The following MARCHF1 variants were observed in gnomAD, a reference collection of about 807,000 sequenced individuals.
MARCHF1 encodes E3 ubiquitin-protein ligase MARCHF1.
MARCHF1 carries 40 observed loss-of-function variants against 54.2 expected under a neutral mutation model. The observed-to-expected ratio is 0.74, with a 90% CI of 0.57 to 0.96. MARCHF1 has a LOEUF of 0.96. Among genes scored for constraint, MARCHF1 ranks in the 40% least tolerant of loss-of-function variants. The pLI is 0.00. For synonymous variants in MARCHF1, 236 were observed against 236.3 expected (o/e 1.00, Z 0.01); for missense variants, 586 against 656.5 (o/e 0.89, Z 1.17).
chr4:164,110,714 CA>C (rs35186144), intron 2 of MARCHF1, among the ~76,000 whole-genome samples: 102,669 of 145,950 alleles, frequency 0.7, 37,209 homozygotes, highest in Non-Finnish European at 0.82. Flanking sequence ...AATGAAAAGC[CA>C]AAAAAAAAAA....
In MARCHF1 at chr4:163,572,689, G is replaced by T. The variant is rs1247717643; in HGVS notation, c.1191+13060C>A. Among the ~76,000 whole-genome samples, 4 of 152,208 alleles carry T rather than the reference G, an allele frequency of 2.6e-5. No individual in the cohort carries two copies. The East Asian group carries it at 7.7e-4, about 29-fold the overall frequency. On this transcript the variant is annotated intron_variant, in intron 8 of 9. Transcript: ENST00000514618. Reference sequence around the variant, plus strand: ...TTCCTTATAGTAGAAGCACTGTTGTGTTATAGGTAAACCTGTTTTTACTTT... The same window carrying T: ...TTCCTTATAGTAGAAGCACTGTTGTTTTATAGGTAAACCTGTTTTTACTTT...
At chr4:164,088,540 C>A (rs1013382753) in intron 2 of MARCHF1, among the ~76,000 whole-genome samples, 30 of 152,194 alleles carry the variant, frequency 2.0e-4, no homozygotes, top group African/African-American at 7.2e-4. Flanking sequence ...GAGTCTGAGA[C>A]CAGCCTGGGC....
intron 5 of MARCHF1, among the ~76,000 whole-genome samples, chr4:163,661,571 G>A (rs867924851): frequency 2.0e-5 from 3 of 151,766 alleles, no homozygotes; most frequent in African/African-American, 4.8e-5. Context: ...ATCAGAGAAC[G>A]GGATGCAAAA....
At chr4:163,765,532 T>C (rs1204926092) in intron 4 of MARCHF1, among the ~76,000 whole-genome samples, 1 of 152,112 alleles carries the variant, frequency 6.6e-6, no homozygotes, top group African/African-American at 2.4e-5. Flanking sequence ...TGAAAACTAA[T>C]GATACAAAAT....
At chr4:163,620,706 A>AAAT (rs1174093867) in intron 5 of MARCHF1, among the ~76,000 whole-genome samples, 1 of 152,038 alleles carries the variant, frequency 6.6e-6, no homozygotes, top group Non-Finnish European at 1.5e-5. Flanking sequence ...TAAAGTTTCA[A>AAAT]AATTGTATAC....
intron 5 of MARCHF1, among the ~76,000 whole-genome samples, chr4:163,680,990 T>A (rs1744084746): frequency 6.7e-6 from 1 of 150,072 alleles, no homozygotes. Context: ...ATATATGTAA[T>A]ACATTATGTA....
At chr4:164,109,912 T>TAAAAAAAAAAAA (rs57433858) in intron 2 of MARCHF1, among the ~76,000 whole-genome samples, 292 of 63,050 alleles carry the variant, frequency 4.6e-3, no homozygotes, top group Non-Finnish European at 5.3e-3. Flanking sequence ...AAAATAAAAG[T>TAAAAAAAAAAAA]AAAAAAAAAA....
At position 163,632,575 on chromosome 4, in the gene MARCHF1, G is replaced by A. The variant is rs528652911; in HGVS notation, c.163-19182C>T. 9.7e-4 allele frequency among the ~76,000 whole-genome samples: 147 copies of A among 152,278 alleles called. 1 individual carries two copies. Among genetic ancestry groups the A allele is most frequent in the Non-Finnish European group, 1.2e-3 (85 of 68,028 alleles). On this transcript the variant is annotated intron_variant, in intron 5 of 9. Transcript: ENST00000514618. The stretch of plus-strand genomic sequence containing the variant: ...ACGGCGCACCACAAGATTATATCCC[G>A]CACCTGGCTTGGAGGGTCCTATGCC...
At chr4:164,372,056 C>G (rs1226496232) in intron 1 of MARCHF1, among the ~76,000 whole-genome samples, 1 of 152,094 alleles carries the variant, frequency 6.6e-6, no homozygotes, top group Non-Finnish European at 1.5e-5. Context: ...GCCTGGGTGA[C>G]AGAGGGAGGC....
At chr4:164,133,058 C>T (rs1159123743) in intron 1 of MARCHF1, among the ~76,000 whole-genome samples, 1 of 152,058 alleles carries the variant, frequency 6.6e-6, no homozygotes, top group Non-Finnish European at 1.5e-5. Context: ...ACTATAGTTG[C>T]CCCACAACTG....
chr4:164,359,443 G>A (rs1002866904), intron 1 of MARCHF1, among the ~76,000 whole-genome samples: 1 of 152,126 alleles, frequency 6.6e-6, no homozygotes, highest in African/African-American at 2.4e-5. Flanking sequence ...TTCCTCTGTT[G>A]AGAAGAGAGA....
At chr4:164,138,606 C>T (rs1449779257) in intron 1 of MARCHF1, among the ~76,000 whole-genome samples, 9 of 152,078 alleles carry the variant, frequency 5.9e-5, no homozygotes, top group East Asian at 3.9e-4. Context: ...TCAGTTGAAG[C>T]GGTATGGGCA....
At chr4:163,885,783 TG>T (rs531297494) in intron 3 of MARCHF1, among the ~76,000 whole-genome samples, 1 of 151,776 alleles carries the variant, frequency 6.6e-6, no homozygotes, top group Non-Finnish European at 1.5e-5. Context: ...GAAAATATAT[TG>T]GGGGGGTGCA....
intron 1 of MARCHF1, among the ~76,000 whole-genome samples, chr4:164,123,459 T>C (rs1756113792): frequency 6.6e-6 from 1 of 152,130 alleles, no homozygotes; most frequent in Non-Finnish European, 1.5e-5. Flanking sequence ...ATCCTAAAAT[T>C]TATATGGAAC....
chr4:163,532,983 T>G (rs1302081302), intron 9 of MARCHF1, among the ~76,000 whole-genome samples: 2 of 151,944 alleles, frequency 1.3e-5, no homozygotes, highest in African/African-American at 4.8e-5. Context: ...TAACCACAGC[T>G]TTTCAAATGA....
intron 3 of MARCHF1, among the ~76,000 whole-genome samples, chr4:163,885,880 T>C (rs1337400373): frequency 1.3e-5 from 2 of 150,650 alleles, no homozygotes; most frequent in African/African-American, 4.9e-5. Flanking sequence ...GAGACCAACC[T>C]GGGCAACAAA....
At chr4:163,716,495 C>T (rs570859078) in intron 4 of MARCHF1, among the ~76,000 whole-genome samples, 25 of 152,270 alleles carry the variant, frequency 1.6e-4, no homozygotes, top group African/African-American at 5.3e-4. Flanking sequence ...CCTATAAAAA[C>T]ACAGGCAGAA....
Position 163,559,301 on chromosome 4 carries a change from C to A in MARCHF1, c.1192-13558G>T, listed in dbSNP as rs116089660. On this transcript the variant is annotated intron_variant, in intron 8 of 9. Coordinates refer to ENST00000514618, the MANE Select transcript of MARCHF1 (RefSeq NM_001394959.1). The stretch of plus-strand genomic sequence containing the variant: ...ACAAATGTATTGGAATGTAAATATT[C>A]AAACCATTTTAAAATGCAACTTTAG... Among the ~76,000 whole-genome samples, 904 of 152,258 alleles carry A rather than the reference C, an allele frequency of 5.9e-3. 8 individuals are homozygous for A. Among genetic ancestry groups the A allele is most frequent in the African/African-American group, 0.019 (804 of 41,550 alleles).
intron 7 of MARCHF1, among the ~76,000 whole-genome samples, chr4:163,610,372 T>C (rs552669928): frequency 6.6e-6 from 1 of 152,230 alleles, no homozygotes; most frequent in African/African-American, 2.4e-5. Context: ...ATAATACCTA[T>C]TGGCTCATCT....
Sources: allele counts gnomAD v4.1 joint callset (sites outside exome capture counted in the v4.1 genomes callset), GRCh38; gene constraint gnomAD v4.1.1; transcripts MANE v1.5; gene names NCBI Gene and HGNC (gene_info 2026-07-23, HGNC 2026-07-21).